Variants in CTNNB1 observed in about 807,000 individuals in gnomAD.
CTNNB1 encodes catenin beta 1, also known as catenin beta-1.
CTNNB1 carries 6 observed loss-of-function variants against 82.5 expected under a neutral mutation model. The observed-to-expected ratio is 0.07, with a 90% CI of 0.04 to 0.14. The LOEUF is 0.14. Among genes scored for constraint, CTNNB1 ranks in the 10% least tolerant of loss-of-function variants. The pLI, the probability that CTNNB1 is intolerant of heterozygous loss-of-function variation, is 1.00. For missense variants in CTNNB1, 529 were observed against 980.4 expected, an observed-to-expected ratio of 0.54 and a Z score of 6.15; for synonymous variants, 312 against 329.7, an observed-to-expected ratio of 0.95 and a Z score of 0.58.
chr3:41,217,329 T>G (rs1230900460), intron 1 of CTNNB1, among the ~76,000 whole-genome samples: 1 of 152,224 alleles, frequency 6.6e-6, no homozygotes, highest in East Asian at 1.9e-4. Flanking sequence ...TTACTCTAAA[T>G]TTTCTTTTAA....
chr3:41,219,248 T>G (rs144426395), intron 1 of CTNNB1, among the ~76,000 whole-genome samples: 2 of 152,214 alleles, frequency 1.3e-5, no homozygotes, highest in Admixed American at 6.5e-5. Flanking sequence ...GTCTTTTTTT[T>G]CCCCTGAAGT....
chr3:41,210,079 G>A (rs1479248715), intron 1 of CTNNB1, among the ~76,000 whole-genome samples: 1 of 152,082 alleles, frequency 6.6e-6, no homozygotes, highest in African/African-American at 2.4e-5. Context: ...TTGTACAGCT[G>A]TACAAAAATT....
At chr3:41,209,859 G>A (rs912227487) in intron 1 of CTNNB1, among the ~76,000 whole-genome samples, 24 of 152,196 alleles carry the variant, frequency 1.6e-4, no homozygotes, top group African/African-American at 5.1e-4. Context: ...AGCGAGTGAC[G>A]ATTGAGGGAA....
At chr3:41,202,148 A>G (rs1211305614) in intron 1 of CTNNB1, among the ~76,000 whole-genome samples, 1 of 152,260 alleles carries the variant, frequency 6.6e-6, no homozygotes, top group African/African-American at 2.4e-5. Flanking sequence ...GCAATAGACT[A>G]TAGAAGTATA....
At position 41,239,582 on chromosome 3, in the gene CTNNB1, A is replaced by C. The variant is rs1575340551; in HGVS notation, c.*240A>C. 1.8e-6 allele frequency: 1 copy of C among 555,658 alleles called. No individual in the cohort carries two copies. The highest frequency in any genetic ancestry group is 3.2e-6 in the Non-Finnish European group (1 of 309,064). The allele number at this position is 555,658 out of a possible 1,614,324, so 34.4% of individuals were successfully genotyped here. ...TATTAACTTTAATGTTTTTTGCCAC[A>C]GCTTTTGCAACTTAATACTCAAATG... On this transcript the variant is annotated 3_prime_UTR_variant, in exon 15 of 15. Coordinates refer to ENST00000349496, the MANE Select transcript of CTNNB1 (RefSeq NM_001904.4).
intron 1 of CTNNB1, among the ~76,000 whole-genome samples, chr3:41,213,539 C>T: frequency 6.6e-6 from 1 of 152,212 alleles, no homozygotes; most frequent in East Asian, 1.9e-4. Context: ...TATTACAGAT[C>T]CTGGCATGTA....
chr3:41,238,244 A>T, intron 14 of CTNNB1, 168 bp downstream of exon 14: 1 of 657,894 alleles, frequency 1.5e-6, no homozygotes, highest in South Asian at 1.7e-5. Flanking sequence ...TTAATGGAGC[A>T]CAGGGAATTC....
chr3:41,229,691 T>G (rs940247035), intron 7 of CTNNB1, among the ~76,000 whole-genome samples: 1 of 152,192 alleles, frequency 6.6e-6, no homozygotes, highest in Non-Finnish European at 1.5e-5. Context: ...TCTTGCCTGA[T>G]TATGAGCAGT....
At chr3:41,238,132 T>C (rs368560830) in intron 14 of CTNNB1, 56 bp downstream of exon 14, 14 of 1,509,436 alleles carry the variant, frequency 9.3e-6, no homozygotes, top group East Asian at 2.3e-5. Context: ...TCTAAAACTT[T>C]TATCAGAAGA....
Position 41,235,819 on chromosome 3 carries a change from A to G in CTNNB1, c.1779A>G (p.Leu593=), listed in dbSNP as rs1183828909. ...DVHNRIVIRG[L]NTIPLFVQLL... ...ACAACCGAATTGTTATCAGAGGACTAAATACCATTCCATTGTTTGTGCAGG... is the reference window on the plus strand; with the variant it reads ...ACAACCGAATTGTTATCAGAGGACTGAATACCATTCCATTGTTTGTGCAGG... Residue 593 remains leucine (L), a synonymous_variant, in exon 11 of 15, where the codon CTA becomes CTG. Coordinates refer to ENST00000349496, the MANE Select transcript of CTNNB1 (RefSeq NM_001904.4). 1 of 1,614,016 alleles carries G rather than the reference A, an allele frequency of 6.2e-7. No individual in the cohort carries two copies. The highest frequency in any genetic ancestry group is 8.5e-7 in the Non-Finnish European group (1 of 1,179,992).
At chr3:41,226,209 A>G (rs2078173303) in intron 6 of CTNNB1, among the ~76,000 whole-genome samples, 1 of 152,216 alleles carries the variant, frequency 6.6e-6, no homozygotes, top group Non-Finnish European at 1.5e-5. Flanking sequence ...TGTGCAGCCC[A>G]GTTCATTTCT....
At chr3:41,206,120 T>TC (rs1017057780) in intron 1 of CTNNB1, among the ~76,000 whole-genome samples, 2 of 152,198 alleles carry the variant, frequency 1.3e-5, no homozygotes, top group African/African-American at 4.8e-5. Flanking sequence ...TTCACTAATA[T>TC]CCCCACGGTT....
chr3:41,221,785 T>C (rs1054295534), intron 1 of CTNNB1: 2 of 152,220 alleles, frequency 1.3e-5, no homozygotes, highest in Non-Finnish European at 2.9e-5. Context: ...TCTTGATTGG[T>C]ACTTAGTGGA....
chr3:41,224,050 T>C lies in CTNNB1; in HGVS notation c.-19T>C, dbSNP rs1351772007. 1 of 1,613,564 alleles carries C rather than the reference T, an allele frequency of 6.2e-7. No homozygotes were observed. The stretch of plus-strand genomic sequence containing the variant: ...TTTGAAGTATACCATACAACTGTTT[T>C]GAAAATCCAGCGTGGACAATGGCTA... On this transcript the variant is annotated 5_prime_UTR_variant, in exon 2 of 15. Transcript: ENST00000349496.
At chr3:41,229,517 T>C (rs938407232) in intron 7 of CTNNB1, among the ~76,000 whole-genome samples, 2 of 152,190 alleles carry the variant, frequency 1.3e-5, no homozygotes, top group East Asian at 3.9e-4. Flanking sequence ...TGGATGTTGT[T>C]GGTGTCTAGA....
At chr3:41,206,639 C>G (rs1446373886) in intron 1 of CTNNB1, among the ~76,000 whole-genome samples, 1 of 151,982 alleles carries the variant, frequency 6.6e-6, no homozygotes, top group Non-Finnish European at 1.5e-5. Flanking sequence ...TACTCCCTCT[C>G]TCTCTTTTTT....
At position 41,233,548 on chromosome 3, in the gene CTNNB1, T is replaced by A. The variant is rs2125638720; in HGVS notation, c.1205T>A (p.Leu402His). The change falls in exon 9 of 15, where the codon CTT (leucine) becomes CAT (histidine). Residue 402 changes from leucine to histidine, a missense_variant. Around this residue, in one of 4 missense-constraint regions of CTNNB1, gnomAD observed 411 missense variants for 776.4 expected, o/e 0.53. Coordinates refer to ENST00000349496, the MANE Select transcript of CTNNB1 (RefSeq NM_001904.4). ...ATKQEGMEGL[L>H]GTLVQLLGSD... ...CCATAGGAAGGGATGGAAGGTCTCC[T>A]TGGGACTCTTGTTCAGCTTCTGGGT... is the stretch of plus-strand genomic sequence containing the variant. The A allele has an allele frequency of 6.2e-7, 1 of 1,614,190 alleles. No homozygotes were observed. The highest frequency in any genetic ancestry group is 1.1e-5 in the South Asian group (1 of 91,084).
chr3:41,233,297 T>G lies in CTNNB1; in HGVS notation c.1082-44T>G, dbSNP rs553059875. 6 of 1,542,342 alleles carry G rather than the reference T, an allele frequency of 3.9e-6. No individual in the cohort carries two copies. In the Admixed American group the frequency reaches 1.0e-4, roughly 26 times the overall value. On this transcript the variant is annotated intron_variant, in intron 7 of 14. Coordinates refer to ENST00000349496, the MANE Select transcript of CTNNB1 (RefSeq NM_001904.4). ...ACAGATATTTAGGATTGATAGGCAC[T>G]TCTAGCTAATGACTAGGGCCTTATA...
chr3:41,207,086 T>G (rs2077666113), intron 1 of CTNNB1, among the ~76,000 whole-genome samples: 2 of 152,200 alleles, frequency 1.3e-5, no homozygotes, highest in South Asian at 4.1e-4. Context: ...CGTTGATCAC[T>G]GTTTCCTGCT....
Sources: allele counts gnomAD v4.1 joint callset (sites outside exome capture counted in the v4.1 genomes callset), GRCh38; gene constraint gnomAD v4.1.1; regional missense constraint gnomAD v4.1.1; transcripts MANE v1.5; gene names NCBI Gene and HGNC (gene_info 2026-07-23, HGNC 2026-07-21).